The following BRD10 variants were observed in gnomAD, a reference collection of about 807,000 sequenced individuals.
The protein encoded by BRD10 is bromodomain containing 10, also known as uncharacterized bromodomain-containing protein 10.
chr9:5,988,415 C>T, the BRD10 span: 2 of 1,613,894 alleles, frequency 1.2e-6, no homozygotes, highest in East Asian at 4.5e-5. Flanking sequence ...TCAAAAACTC[C>T]ACTTGTCAAG....
At chr9:5,919,620 G>A in the BRD10 span, 7 of 1,411,640 alleles carry the variant, frequency 5.0e-6, no homozygotes, top group Admixed American at 2.6e-5. Flanking sequence ...AATAAACATT[G>A]AAAATTTTTA....
chr9:5,981,989 T>C, the BRD10 span, among the ~76,000 whole-genome samples: 37,190 of 151,870 alleles, frequency 0.24, 4,729 homozygotes, highest in South Asian at 0.34. Flanking sequence ...AGAACTTATT[T>C]ATGTAACCAA....
chr9:5,939,665 G>C, the BRD10 span, among the ~76,000 whole-genome samples: 1 of 152,192 alleles, frequency 6.6e-6, no homozygotes, highest in Non-Finnish European at 1.5e-5. Flanking sequence ...CAAGTAAGTT[G>C]GCAGCAGTGG....
chr9:5,921,050 G>T, the BRD10 span: 5 of 1,613,892 alleles, frequency 3.1e-6, no homozygotes, highest in Non-Finnish European at 4.2e-6. Context: ...CACATTTACT[G>T]CTCTTGCTGA....
chr9:5,917,282 C>T, the BRD10 span, among the ~76,000 whole-genome samples: 4 of 152,084 alleles, frequency 2.6e-5, no homozygotes, highest in African/African-American at 4.8e-5. Flanking sequence ...TTACATAACA[C>T]GTAATAAGAA....
the BRD10 span, among the ~76,000 whole-genome samples, chr9:5,915,699 C>T: frequency 6.6e-6 from 1 of 152,172 alleles, no homozygotes; most frequent in Non-Finnish European, 1.5e-5. Flanking sequence ...TGGAAACTCC[C>T]TGCTAAATTC....
the BRD10 span, among the ~76,000 whole-genome samples, chr9:5,989,481 T>G: frequency 6.6e-6 from 1 of 151,080 alleles, no homozygotes; most frequent in African/African-American, 2.4e-5. Flanking sequence ...TATAGTTATA[T>G]TTCCCTGCTT....
the BRD10 span, chr9:6,008,310 T>C: frequency 1.0e-6 from 1 of 984,476 alleles, no homozygotes; most frequent in Non-Finnish European, 1.2e-6. Flanking sequence ...AAGGAGGCGG[T>C]GCACGGACGG....
chr9:5,880,426 A>C, the BRD10 span, among the ~76,000 whole-genome samples: 1 of 151,594 alleles, frequency 6.6e-6, no homozygotes, highest in African/African-American at 2.4e-5. Context: ...GCAGGAGAGA[A>C]CTGCTTCAAC....
chr9:5,940,290 T>C, the BRD10 span, among the ~76,000 whole-genome samples: 6 of 152,110 alleles, frequency 3.9e-5, no homozygotes, highest in African/African-American at 1.4e-4. Flanking sequence ...GCCTCCCTAG[T>C]TCAAGCAATT....
chr9:5,923,243 G>C, the BRD10 span: 1 of 1,613,666 alleles, frequency 6.2e-7, no homozygotes, highest in Non-Finnish European at 8.5e-7. Context: ...GTCTTTTGAA[G>C]GCAATTCCTT....
the BRD10 span, chr9:5,922,568 G>C: frequency 3.7e-6 from 6 of 1,613,862 alleles, no homozygotes; most frequent in Non-Finnish European, 5.1e-6. Context: ...ATTTATATTT[G>C]TTGTCTGTGG....
chr9:5,975,273 T>TA, the BRD10 span, among the ~76,000 whole-genome samples: 66 of 149,438 alleles, frequency 4.4e-4, no homozygotes, highest in Non-Finnish European at 8.2e-4. Flanking sequence ...CTGTCTCTAC[T>TA]AAAAAAAAAT....
chr9:5,884,713 G>T, the BRD10 span, among the ~76,000 whole-genome samples: 4 of 152,144 alleles, frequency 2.6e-5, no homozygotes, highest in South Asian at 8.3e-4. Flanking sequence ...ATATTGTAGT[G>T]AACCCTGGTG....
the BRD10 span, chr9:5,920,181 A>G: frequency 1.2e-6 from 2 of 1,613,890 alleles, no homozygotes; most frequent in Non-Finnish European, 1.7e-6. Context: ...TTCTGGGCAG[A>G]GTTATCTATT....
the BRD10 span, chr9:5,921,688 T>C: frequency 2.5e-6 from 4 of 1,613,942 alleles, no homozygotes; most frequent in South Asian, 4.4e-5. Context: ...GCTGTTTAGT[T>C]GGAGTATGAA....
the BRD10 span, among the ~76,000 whole-genome samples, chr9:6,000,851 A>AC: frequency 6.6e-6 from 1 of 152,164 alleles, no homozygotes; most frequent in East Asian, 1.9e-4. Context: ...CAATCCTCAC[A>AC]CAAAGTTCTG....
At chr9:5,890,341 C>T in the BRD10 span, among the ~76,000 whole-genome samples, 1 of 152,222 alleles carries the variant, frequency 6.6e-6, no homozygotes, top group South Asian at 2.1e-4. Flanking sequence ...ACATATTTAT[C>T]CTAAAAATAT....
chr9:5,904,859 T>C, the BRD10 span, among the ~76,000 whole-genome samples: 15 of 151,952 alleles, frequency 9.9e-5, no homozygotes, highest in East Asian at 5.8e-4. Context: ...CTGCAAGCTC[T>C]GCCTCCTGGG....
Sources: gnomAD v4.1 joint callset for allele counts (sites outside exome capture counted in the v4.1 genomes callset) on GRCh38, gnomAD v4.1.1 for gene constraint, MANE v1.5 for transcripts, NCBI Gene and HGNC (gene_info 2026-07-23, HGNC 2026-07-21) for gene names.